Variants in ACVR1C observed in about 807,000 individuals in gnomAD.
ACVR1C encodes activin receptor type-1C.
ACVR1C carries 23 observed loss-of-function variants against 57.9 expected under a neutral mutation model. The ratio of observed to expected loss-of-function variants is 0.40; its 90% CI spans 0.29 to 0.56. The LOEUF is 0.56. ACVR1C is among the 20% of genes least tolerant of loss of function. ACVR1C has a pLI of 0.50. For missense variants in ACVR1C, 480 were observed against 607.9 expected (o/e 0.79, Z 2.21); for synonymous variants, 214 against 215.3 (o/e 0.99, Z 0.05).
At chr2:157,541,367 A>G (rs1687621998) in intron 6 of ACVR1C, among the ~76,000 whole-genome samples, 153 bp from the exon 7 acceptor site, 2 of 152,220 alleles carry the variant, frequency 1.3e-5, no homozygotes. Context: ...TGGCTCAACC[A>G]TCAAGTGTGT....
chr2:157,621,507 C>T (rs920856714), intron 1 of ACVR1C, among the ~76,000 whole-genome samples: 21 of 152,066 alleles, frequency 1.4e-4, no homozygotes, highest in African/African-American at 4.6e-4. Flanking sequence ...ACCAAGTGGC[C>T]CACATGCTTT....
At chr2:157,613,498 G>A (rs1682577050) in intron 1 of ACVR1C, among the ~76,000 whole-genome samples, 1 of 152,036 alleles carries the variant, frequency 6.6e-6, no homozygotes, top group Non-Finnish European at 1.5e-5. Context: ...ATCTGCAGAT[G>A]TGAAACCCAC....
At chr2:157,580,798 C>G (rs1406369659) in intron 2 of ACVR1C, among the ~76,000 whole-genome samples, 2 of 151,760 alleles carry the variant, frequency 1.3e-5, no homozygotes, top group African/African-American at 2.4e-5. Flanking sequence ...AATATGGTTC[C>G]CGAAACAGTG....
rs115029463 is a variant in ACVR1C at position 157,550,265 on chromosome 2, G to A, written c.672C>T (p.Phe224=). Reference sequence around the variant, plus strand: ...ACCAAGATCTTTCATCTCTGGAGGAGAATATTTTCACAGCCACATCTTCCC... The same window carrying A: ...ACCAAGATCTTTCATCTCTGGAGGAAAATATTTTCACAGCCACATCTTCCC... ...WCGEDVAVKI[F]SSRDERSWFR... The change falls in exon 4 of 9, where the codon TTC becomes TTT. Residue 224 remains phenylalanine, a synonymous_variant. Transcript: ENST00000243349. 1,484 of 1,614,092 alleles carry A rather than the reference G, an allele frequency of 9.2e-4. 17 individuals are homozygous for A. In the African/African-American group the frequency reaches 0.018, roughly 20 times the overall value.
At position 157,606,013 on chromosome 2, in the gene ACVR1C, C is replaced by T. The variant is rs533118938; in HGVS notation, c.74-18596G>A. On this transcript the variant is annotated intron_variant, in intron 1 of 8. Transcript: ENST00000243349. ...ATTCTATTCTCTATGTTCATGAGAG[C>T]AAGTTTTTTAACTCCCACATATGAA... Among the ~76,000 whole-genome samples the T allele has an allele frequency of 6.7e-4, 101 of 151,670 alleles. 1 individual carries two copies. The highest frequency in any genetic ancestry group is 2.4e-3 in the African/African-American group (99 of 41,504).
At chr2:157,583,506 T>C (rs554982565) in intron 2 of ACVR1C, among the ~76,000 whole-genome samples, 7 of 152,324 alleles carry the variant, frequency 4.6e-5, no homozygotes, top group Non-Finnish European at 8.8e-5. Context: ...TGTGTTTTTG[T>C]AGAAATTGTC....
intron 2 of ACVR1C, among the ~76,000 whole-genome samples, chr2:157,558,789 C>A (rs547900275): frequency 2.0e-5 from 3 of 152,298 alleles, no homozygotes; most frequent in East Asian, 1.9e-4. Flanking sequence ...GTACTTCCAA[C>A]TTCTGAAGTT....
chr2:157,612,374 G>A (rs990358920), intron 1 of ACVR1C, among the ~76,000 whole-genome samples: 2 of 151,838 alleles, frequency 1.3e-5, no homozygotes, highest in African/African-American at 2.4e-5. Context: ...AGCAGCAAGG[G>A]CAGCTGTGTT....
chr2:157,560,950 A>G (rs1573920452), intron 2 of ACVR1C, among the ~76,000 whole-genome samples: 1 of 152,346 alleles, frequency 6.6e-6, no homozygotes, highest in East Asian at 1.9e-4. Context: ...ATTCCCCACT[A>G]TATTAAAATG....
intron 1 of ACVR1C, among the ~76,000 whole-genome samples, chr2:157,612,468 T>C (rs1444096661): frequency 6.6e-6 from 1 of 152,134 alleles, no homozygotes; most frequent in Non-Finnish European, 1.5e-5. Flanking sequence ...GGGAACAGGG[T>C]TGCTACTCCC....
At chr2:157,575,201 T>C (rs1443271452) in intron 2 of ACVR1C, among the ~76,000 whole-genome samples, 7 of 146,180 alleles carry the variant, frequency 4.8e-5, no homozygotes, top group African/African-American at 1.5e-4. Flanking sequence ...CGATCTCGCC[T>C]TACTACAACC....
intron 2 of ACVR1C, among the ~76,000 whole-genome samples, chr2:157,578,172 C>T (rs947681644): frequency 6.6e-6 from 1 of 152,176 alleles, no homozygotes; most frequent in South Asian, 2.1e-4. Context: ...CTCAAAGCAT[C>T]GGGATTGCAG....
At position 157,533,533 on chromosome 2, in the gene ACVR1C, T is replaced by A. The variant is rs1475484744; in HGVS notation, c.*385A>T. On this transcript the variant is annotated 3_prime_UTR_variant, in exon 9 of 9. Coordinates refer to ENST00000243349, the MANE Select transcript of ACVR1C (RefSeq NM_145259.3). ...CTAATTTGCATGTTTAATTAATATG[T>A]TTTCATCTCAGAAAAAAATGTTTTT... 1 of 153,410 alleles carries A rather than the reference T, an allele frequency of 6.5e-6. No homozygotes were observed. Among genetic ancestry groups the A allele is most frequent in the Non-Finnish European group, 1.5e-5 (1 of 68,560 alleles). The allele number at this position is 153,410 out of a possible 1,614,324, so 9.5% of individuals were successfully genotyped here.
chr2:157,611,208 A>G (rs1460354136), intron 1 of ACVR1C, among the ~76,000 whole-genome samples: 1 of 152,170 alleles, frequency 6.6e-6, no homozygotes, highest in African/African-American at 2.4e-5. Flanking sequence ...AGATGTATCT[A>G]TGACATTGGT....
chr2:157,612,740 A>G (rs931462589), intron 1 of ACVR1C, among the ~76,000 whole-genome samples: 3 of 152,202 alleles, frequency 2.0e-5, no homozygotes, highest in Non-Finnish European at 4.4e-5. Context: ...GTAGTACTCC[A>G]TGTGGACTAG....
intron 2 of ACVR1C, among the ~76,000 whole-genome samples, chr2:157,566,042 A>T (rs1162897398): frequency 2.6e-5 from 4 of 152,224 alleles, no homozygotes; most frequent in African/African-American, 9.6e-5. Flanking sequence ...CAGTTTTCTT[A>T]ATTTCAGGAC....
At chr2:157,554,221 A>AAGAAAGAGAGAG (rs1553481336) in intron 3 of ACVR1C, among the ~76,000 whole-genome samples, 2 of 112,778 alleles carry the variant, frequency 1.8e-5, no homozygotes, top group African/African-American at 8.6e-5. Context: ...GAAAGAAAGA[A>AAGAAAGAGAGAG]AGAAAGAAAG....
In ACVR1C at chr2:157,527,640, T is replaced by C. The variant is rs1279014024; in HGVS notation, c.*6278A>G. ...TCCAGTCTAGAATCAGAAGAGTACA[T>C]GAGCTTGACACTAGTCATTGCGGAA... On this transcript the variant is annotated 3_prime_UTR_variant, in exon 9 of 9. Coordinates refer to ENST00000243349, the MANE Select transcript of ACVR1C (RefSeq NM_145259.3). 1 of 152,158 alleles carries C rather than the reference T, an allele frequency of 6.6e-6. No homozygotes were observed. Among genetic ancestry groups the C allele is most frequent in the Non-Finnish European group, 1.5e-5 (1 of 68,016 alleles). The allele number at this position is 152,158 out of a possible 1,614,324, so 9.4% of individuals were successfully genotyped here. A position where few individuals can be genotyped will look rare whatever the true frequency, so the allele number is the denominator to read the frequency against.
intron 3 of ACVR1C, among the ~76,000 whole-genome samples, chr2:157,553,797 T>C (rs563827360): frequency 1.3e-5 from 2 of 152,154 alleles, no homozygotes; most frequent in South Asian, 4.1e-4. Flanking sequence ...GCCTAGAATG[T>C]TGTCAATATT....
Sources: allele counts gnomAD v4.1 joint callset (sites outside exome capture counted in the v4.1 genomes callset), GRCh38; gene constraint gnomAD v4.1.1; transcripts MANE v1.5; gene names NCBI Gene and HGNC (gene_info 2026-07-23, HGNC 2026-07-21).